The following RAB10 variants were observed in gnomAD, a reference collection of about 807,000 sequenced individuals.
RAB10 encodes ras-related protein Rab-10.
RAB10 carries 5 observed loss-of-function variants against 25.7 expected under a neutral mutation model. The observed-to-expected ratio is 0.19, with a 90% CI of 0.10 to 0.41. RAB10 has a LOEUF of 0.41. Ranked by LOEUF, RAB10 falls within the 10% of genes least tolerant of loss-of-function variation. The pLI is 1.00. For synonymous variants in RAB10, 89 were observed against 86.4 expected (o/e 1.03, Z -0.16); for missense variants, 103 against 245.8 (o/e 0.42, Z 3.89).
intron 3 of RAB10, among the ~76,000 whole-genome samples, chr2:26,117,120 T>TA (rs1667706557): frequency 1.3e-5 from 2 of 152,302 alleles, no homozygotes; most frequent in South Asian, 4.1e-4. Flanking sequence ...TGTGGACAAA[T>TA]ACGTTAAATA....
At chr2:26,069,617 G>C (rs1469830587) in intron 1 of RAB10, among the ~76,000 whole-genome samples, 1 of 151,844 alleles carries the variant, frequency 6.6e-6, no homozygotes, top group Non-Finnish European at 1.5e-5. Context: ...AGTGAGCCCA[G>C]ATCGCACCAC....
At chr2:26,099,743 T>C (rs571409052) in intron 2 of RAB10, among the ~76,000 whole-genome samples, 13 of 151,918 alleles carry the variant, frequency 8.6e-5, no homozygotes, top group South Asian at 6.2e-4. Context: ...GGGATTTCAC[T>C]GTATTAGCCA....
chr2:26,051,706 A>G lies in RAB10; in HGVS notation c.127+16971A>G, dbSNP rs1008059816. Among the ~76,000 whole-genome samples, 3 of 149,754 alleles carry G rather than the reference A, an allele frequency of 2.0e-5. No homozygotes were observed. In the Admixed American group the frequency reaches 2.0e-4, roughly 10 times the overall value. ...GAGGCAGAGGTTGCAGTGAACCAAG[A>G]TTGCGCCACTGCACTCTAGCCTGGG... On this transcript the variant is annotated intron_variant, in intron 1 of 5. Transcript: ENST00000264710.
At chr2:26,114,931 T>C (rs988152377) in intron 3 of RAB10, among the ~76,000 whole-genome samples, 1 of 151,812 alleles carries the variant, frequency 6.6e-6, no homozygotes, top group African/African-American at 2.4e-5. Context: ...AAAAGGATCA[T>C]GGACCTACAT....
chr2:26,133,872 G>A (rs1668055708), intron 5 of RAB10, among the ~76,000 whole-genome samples: 1 of 151,802 alleles, frequency 6.6e-6, no homozygotes. Flanking sequence ...CAGGGTTTTG[G>A]CATGTTGGCC....
intron 1 of RAB10, among the ~76,000 whole-genome samples, chr2:26,086,273 C>T (rs922676703): frequency 2.6e-5 from 4 of 152,108 alleles, no homozygotes; most frequent in Non-Finnish European, 4.4e-5. Flanking sequence ...GCAACAAGAG[C>T]GAAACTCTGT....
intron 3 of RAB10, among the ~76,000 whole-genome samples, chr2:26,121,136 C>T (rs6729191): frequency 0.83 from 126,104 of 152,016 alleles, 52,625 homozygotes; most frequent in African/African-American, 0.93. Context: ...GGTCTCGAAC[C>T]CCTGACCTCA....
At chr2:26,063,689 A>C (rs1666457532) in intron 1 of RAB10, among the ~76,000 whole-genome samples, 1 of 152,210 alleles carries the variant, frequency 6.6e-6, no homozygotes, top group African/African-American at 2.4e-5. Context: ...AGGATCATGC[A>C]TTGAATTTAA....
At chr2:26,083,651 G>A (rs896677411) in intron 1 of RAB10, among the ~76,000 whole-genome samples, 1 of 152,056 alleles carries the variant, frequency 6.6e-6, no homozygotes, top group Non-Finnish European at 1.5e-5. Flanking sequence ...GCTAGTAGCT[G>A]GGATTACAGG....
intron 3 of RAB10, among the ~76,000 whole-genome samples, chr2:26,112,855 C>T (rs565240459): frequency 7.2e-4 from 109 of 151,846 alleles, no homozygotes; most frequent in African/African-American, 2.5e-3. Flanking sequence ...CTGAGGCAGG[C>T]GGATCACCTG....
rs918227414 is a variant in RAB10, at chr2:26,133,345, G to A, written c.520-1593G>A. Among the ~76,000 whole-genome samples, 5 of 152,038 alleles carry A rather than the reference G, an allele frequency of 3.3e-5. 1 individual carries two copies. The highest frequency in any genetic ancestry group is 6.6e-5 in the Admixed American group (1 of 15,258). On this transcript the variant is annotated intron_variant, in intron 5 of 5. Coordinates refer to ENST00000264710, the MANE Select transcript of RAB10 (RefSeq NM_016131.5). The stretch of plus-strand genomic sequence containing the variant: ...CAAAGACTGATACTGAGTGAAAGAA[G>A]CCACAGAGAAGAATATATTCAACTA...
At chr2:26,052,769 G>GT (rs1476117143) in intron 1 of RAB10, among the ~76,000 whole-genome samples, 1 of 152,150 alleles carries the variant, frequency 6.6e-6, no homozygotes, top group African/African-American at 2.4e-5. Context: ...GTTGCTGAGT[G>GT]TATCTGTTGC....
chr2:26,060,941 G>A (rs1169317901), intron 1 of RAB10, among the ~76,000 whole-genome samples: 1 of 151,970 alleles, frequency 6.6e-6, no homozygotes, highest in Non-Finnish European at 1.5e-5. Context: ...TTCTAGATGA[G>A]TGATTTCTTC....
rs1056330650 is a variant in RAB10 at position 26,034,128 on chromosome 2, G to A, written c.-481G>A. Reference sequence around the variant, plus strand: ...CCGGCGTGAGAGGGCACGGGGAAAAGGTGGCTCTGGCCGGGGTGGCTCGGT... The same window carrying A: ...CCGGCGTGAGAGGGCACGGGGAAAAAGTGGCTCTGGCCGGGGTGGCTCGGT... On this transcript the variant is annotated 5_prime_UTR_variant, in exon 1 of 6. Coordinates refer to ENST00000264710, the MANE Select transcript of RAB10 (RefSeq NM_016131.5). 7.4e-6 allele frequency: 3 copies of A among 404,708 alleles called. No individual in the cohort carries two copies. Among genetic ancestry groups the A allele is most frequent in the African/African-American group, 2.1e-5 (1 of 48,676 alleles). 25.1% of individuals were successfully genotyped at this position (404,708 alleles called of 1,614,324 possible).
intron 2 of RAB10, among the ~76,000 whole-genome samples, chr2:26,103,435 T>A (rs745822005): frequency 4.6e-5 from 7 of 152,192 alleles, no homozygotes; most frequent in Non-Finnish European, 1.0e-4. Context: ...TGAGAGGGGC[T>A]GGAGAAGGGT....
chr2:26,044,395 TG>T (rs1665952025), intron 1 of RAB10, among the ~76,000 whole-genome samples: 1 of 152,224 alleles, frequency 6.6e-6, no homozygotes, highest in Admixed American at 6.5e-5. Context: ...TTTGTCTTTT[TG>T]TTGTCTGTAT....
At chr2:26,130,335 T>A (rs2149290403) in intron 5 of RAB10, among the ~76,000 whole-genome samples, 1 of 151,892 alleles carries the variant, frequency 6.6e-6, no homozygotes, top group Middle Eastern at 3.4e-3. Flanking sequence ...TGTGACAGGG[T>A]CTCACTGTGT....
intron 1 of RAB10, among the ~76,000 whole-genome samples, chr2:26,081,886 T>A (rs1336079089): frequency 6.6e-6 from 1 of 152,150 alleles, no homozygotes; most frequent in Non-Finnish European, 1.5e-5. Context: ...GCAAAATACA[T>A]TTTTCAGACA....
intron 3 of RAB10, among the ~76,000 whole-genome samples, chr2:26,111,451 A>G (rs1667570339): frequency 6.6e-6 from 1 of 152,038 alleles, no homozygotes; most frequent in African/African-American, 2.4e-5. Flanking sequence ...CTAAAAATAC[A>G]AACTTAGCTG....
Sources: gnomAD v4.1 joint callset for allele counts (sites outside exome capture counted in the v4.1 genomes callset) on GRCh38, gnomAD v4.1.1 for gene constraint, MANE v1.5 for transcripts, NCBI Gene and HGNC (gene_info 2026-07-23, HGNC 2026-07-21) for gene names.